Variants in NBEAL1 observed in about 807,000 individuals in gnomAD.
NBEAL1 encodes neurobeachin-like protein 1.
Under a neutral mutation model 351.3 loss-of-function variants are expected in NBEAL1, and 273 were observed. The ratio of observed to expected loss-of-function variants is 0.78; its 90% confidence interval spans 0.70 to 0.86. The LOEUF (loss-of-function observed/expected upper bound fraction) is 0.86. NBEAL1 is among the 40% of genes least tolerant of loss of function. The pLI is 0.00. For missense variants in NBEAL1, 2,961 were observed against 3,201.3 expected (o/e 0.92, Z 1.81); for synonymous variants, 1,050 against 1,086.4 (o/e 0.97, Z 0.66).
intron 31 of NBEAL1, among the ~76,000 whole-genome samples, chr2:203,139,171 A>T (rs993845850): frequency 1.6e-4 from 24 of 149,038 alleles, no homozygotes; most frequent in African/African-American, 5.4e-4. Flanking sequence ...TTTATCTCAT[A>T]TTTTTTTTTT....
In NBEAL1 at chr2:203,033,261, A is replaced by C. The variant is rs534775492; in HGVS notation, c.52-8504A>C. Among the ~76,000 whole-genome samples, 25 of 152,294 alleles carry C rather than the reference A, an allele frequency of 1.6e-4. No individual in the cohort carries two copies. The South Asian group carries it at 4.8e-3, about 29-fold the overall frequency. ...GTGATCTGCCCACCTCGGCCTCCCA[A>C]AGTGCTGGAATTACAGGCGTGAGCC... On this transcript the variant is annotated intron_variant, in intron 2 of 55. Transcript: ENST00000683969.
rs202085560 is a variant in NBEAL1 at position 203,116,439 on chromosome 2, T to TA, written c.2592+376dup. ...TTAAATGTGATGTAGCCAAAAATTT[T>TA]AAAAAAAGAAAGAAAGAGAAGAAAA... On this transcript the variant is annotated intron_variant, in intron 18 of 55. Transcript: ENST00000683969. Among the ~76,000 whole-genome samples the TA allele has an allele frequency of 6.1e-3, 930 of 151,776 alleles. 2 individuals carry two copies. Among genetic ancestry groups the TA allele is most frequent in the Non-Finnish European group, 9.5e-3 (645 of 67,920 alleles).
intron 36 of NBEAL1, among the ~76,000 whole-genome samples, chr2:203,165,558 A>G (rs2064107460): frequency 6.6e-6 from 1 of 152,196 alleles, no homozygotes; most frequent in African/African-American, 2.4e-5. Flanking sequence ...TCCTCTGCTA[A>G]TTGTTTTACA....
intron 18 of NBEAL1, among the ~76,000 whole-genome samples, chr2:203,121,086 C>T (rs186082273): frequency 1.1e-3 from 175 of 152,252 alleles, no homozygotes; most frequent in African/African-American, 4.1e-3. Flanking sequence ...GCAAATAACA[C>T]TGTTTCTAAA....
intron 19 of NBEAL1, among the ~76,000 whole-genome samples, chr2:203,122,707 T>C (rs1185649148): frequency 6.6e-6 from 1 of 152,186 alleles, no homozygotes; most frequent in East Asian, 1.9e-4. Flanking sequence ...ATTGGCCTCA[T>C]ATTTATGTCA....
chr2:203,125,417 T>C lies in NBEAL1; in HGVS notation c.2748T>C (p.Phe916=). ...LFPLLEQISH[F]SEGQIPEEKN... ...CTTTATTGGAACAAATCAGCCACTT[T>C]AGTGAAGGACAGATTCCTGAAGAAA... is the stretch of plus-strand genomic sequence containing the variant. Residue 916 remains phenylalanine, a synonymous_variant, in exon 20 of 56, where the codon TTT becomes TTC. Coordinates refer to ENST00000683969, the MANE Select transcript of NBEAL1 (RefSeq NM_001378026.1). 1 of 1,548,734 alleles carries C rather than the reference T, an allele frequency of 6.5e-7. No homozygotes were observed. The highest frequency in any genetic ancestry group is 8.7e-7 in the Non-Finnish European group (1 of 1,145,638).
rs1190602771 is a variant in NBEAL1 at position 203,038,259 on chromosome 2, G to A, written c.52-3506G>A. Among the ~76,000 whole-genome samples, 3 of 148,962 alleles carry A rather than the reference G, an allele frequency of 2.0e-5. 1 individual carries two copies. Among genetic ancestry groups the A allele is most frequent in the African/African-American group, 7.3e-5 (3 of 40,980 alleles). On this transcript the variant is annotated intron_variant, in intron 2 of 55. Transcript: ENST00000683969. Reference sequence around the variant, plus strand: ...ATTTATCTGGGAGAGGAATGGCTGGGCTGTTTGATATGTGTATATTTAACT... The same window carrying A: ...ATTTATCTGGGAGAGGAATGGCTGGACTGTTTGATATGTGTATATTTAACT...
intron 6 of NBEAL1, among the ~76,000 whole-genome samples, chr2:203,064,142 C>T (rs1445676821): frequency 2.6e-5 from 4 of 152,118 alleles, no homozygotes; most frequent in Non-Finnish European, 5.9e-5. Context: ...CAACCTCCGC[C>T]TCCCGGGTTC....
chr2:203,114,146 G>T (rs1337110893), intron 17 of NBEAL1, among the ~76,000 whole-genome samples: 1 of 151,968 alleles, frequency 6.6e-6, no homozygotes, highest in Non-Finnish European at 1.5e-5. Context: ...TATTATAAGG[G>T]GTTCTCTCAG....
intron 12 of NBEAL1, among the ~76,000 whole-genome samples, chr2:203,104,250 T>C (rs72934535): frequency 0.072 from 10,969 of 152,282 alleles, 534 homozygotes; most frequent in Non-Finnish European, 0.11. Flanking sequence ...TGTATATATA[T>C]TTAAGATAGT....
At chr2:203,073,453 C>G (rs1018633703) in intron 7 of NBEAL1, among the ~76,000 whole-genome samples, 1 of 151,992 alleles carries the variant, frequency 6.6e-6, no homozygotes, top group African/African-American at 2.4e-5. Context: ...ACATTTTTCT[C>G]TCTTCTTTTT....
At chr2:203,039,706 GAA>G (rs1015705687) in intron 2 of NBEAL1, among the ~76,000 whole-genome samples, 20 of 152,126 alleles carry the variant, frequency 1.3e-4, no homozygotes, top group African/African-American at 4.3e-4. Flanking sequence ...TTTTCTTCTA[GAA>G]AATTTGGGTT....
At chr2:203,132,239 GCAGGGCCTT>G (rs888824811) in intron 26 of NBEAL1, 107 bp downstream of exon 26, 1 of 734,982 alleles carries the variant, frequency 1.4e-6, no homozygotes, top group Non-Finnish European at 2.2e-6. Flanking sequence ...ATTTGATTCA[GCAGGGCCTT>G]CCTTGGATAC....
At chr2:203,186,570 A>G (rs1044224226) in intron 44 of NBEAL1, among the ~76,000 whole-genome samples, 1 of 152,070 alleles carries the variant, frequency 6.6e-6, no homozygotes, top group African/African-American at 2.4e-5. Context: ...TCTTGGTTCT[A>G]CCTTTGAGCT....
intron 37 of NBEAL1, among the ~76,000 whole-genome samples, chr2:203,166,609 C>T (rs1465613651): frequency 1.3e-5 from 2 of 152,058 alleles, no homozygotes; most frequent in African/African-American, 2.4e-5. Flanking sequence ...TGCAATGGTG[C>T]GATCTCGGCT....
Position 203,097,582 on chromosome 2 carries a change from G to A in NBEAL1, c.1134G>A (p.Lys378=). Reference sequence around the variant, plus strand: ...ATGCTAACAATAAGGTGGCAGACAAGAACGAGAAAGACCTTGCCAACAAAT... The same window carrying A: ...ATGCTAACAATAAGGTGGCAGACAAAAACGAGAAAGACCTTGCCAACAAAT... ...FLNANNKVAD[K]NEKDLANKLL... The change falls in exon 11 of 56, where the codon AAG becomes AAA. Residue 378 remains lysine (K), a synonymous_variant. Coordinates refer to ENST00000683969, the MANE Select transcript of NBEAL1 (RefSeq NM_001378026.1). The A allele has an allele frequency of 1.0e-6, 1 of 985,658 alleles. No individual in the cohort carries two copies. The highest frequency in any genetic ancestry group is 1.2e-6 in the Non-Finnish European group (1 of 829,802). 61.1% of individuals were successfully genotyped at this position (985,658 alleles called of 1,614,324 possible).
At chr2:203,039,419 T>C (rs1392543329) in intron 2 of NBEAL1, among the ~76,000 whole-genome samples, 2 of 140,484 alleles carry the variant, frequency 1.4e-5, no homozygotes, top group African/African-American at 5.1e-5. Flanking sequence ...TCCTGTCCTT[T>C]CCGAGATAGA....
chr2:203,216,672 TAAAGG>T (rs1310581358), intron 55 of NBEAL1, among the ~76,000 whole-genome samples: 1 of 152,200 alleles, frequency 6.6e-6, no homozygotes, highest in African/African-American at 2.4e-5. Context: ...ATTTATAAAA[TAAAGG>T]AATCTGGTAA....
At chr2:203,057,268 CTTATTG>C in intron 5 of NBEAL1, 52 bp from the exon 6 acceptor site, 2 of 1,448,808 alleles carry the variant, frequency 1.4e-6, no homozygotes, top group Non-Finnish European at 1.9e-6. Flanking sequence ...ATACAAATGA[CTTATTG>C]TTAGATGATA....
Sources: gnomAD v4.1 joint callset for allele counts (sites outside exome capture counted in the v4.1 genomes callset) on GRCh38, gnomAD v4.1.1 for gene constraint, MANE v1.5 for transcripts, NCBI Gene and HGNC (gene_info 2026-07-23, HGNC 2026-07-21) for gene names.